ST6GALNAC3: variants seen among roughly 807,000 people sequenced by gnomAD.
ST6GALNAC3 encodes alpha-N-acetylgalactosaminide alpha-2,6-sialyltransferase 3.
In ST6GALNAC3, 25 loss-of-function variants were observed where a neutral mutation model predicts 32.7. That is an observed-to-expected ratio of 0.76 (90% CI 0.56 to 1.07). ST6GALNAC3 has a LOEUF of 1.07. Among genes scored for constraint, ST6GALNAC3 ranks in the 50% least tolerant of loss-of-function variants. ST6GALNAC3 has a pLI of 0.00. For synonymous variants in ST6GALNAC3, 129 were observed against 133.1 expected (o/e 0.97, Z 0.21); for missense variants, 355 against 382.4 (o/e 0.93, Z 0.60).
chr1:76,587,776 A>G (rs546091995), intron 3 of ST6GALNAC3, among the ~76,000 whole-genome samples: 6 of 152,182 alleles, frequency 3.9e-5, no homozygotes, highest in South Asian at 2.1e-4. Flanking sequence ...ATGACTTCCA[A>G]TGGATCAAGA....
intron 1 of ST6GALNAC3, among the ~76,000 whole-genome samples, chr1:76,229,528 G>T (rs2100632813): frequency 6.6e-6 from 1 of 152,298 alleles, no homozygotes; most frequent in South Asian, 2.1e-4. Flanking sequence ...CAGTGTGGCT[G>T]ACTCCCTGCC....
intron 3 of ST6GALNAC3, among the ~76,000 whole-genome samples, chr1:76,588,257 A>G (rs190221793): frequency 6.6e-5 from 10 of 151,782 alleles, no homozygotes; most frequent in African/African-American, 2.4e-4. Context: ...AAAGCATTCT[A>G]CCTAGTTTTT....
intron 3 of ST6GALNAC3, among the ~76,000 whole-genome samples, chr1:76,615,257 G>C (rs909160197): frequency 1.3e-5 from 2 of 152,008 alleles, no homozygotes; most frequent in Non-Finnish European, 2.9e-5. Context: ...TTCACAAAAT[G>C]CCATGCCTCA....
At chr1:76,438,662 A>C (rs1656337954) in intron 3 of ST6GALNAC3, among the ~76,000 whole-genome samples, 1 of 152,002 alleles carries the variant, frequency 6.6e-6, no homozygotes, top group African/African-American at 2.4e-5. Context: ...TATGCTCCTG[A>C]ATACGTTTTC....
At chr1:76,385,278 C>A (rs1367927285) in intron 2 of ST6GALNAC3, among the ~76,000 whole-genome samples, 1 of 152,044 alleles carries the variant, frequency 6.6e-6, no homozygotes, top group Non-Finnish European at 1.5e-5. Flanking sequence ...TACTTTTGAA[C>A]TTTTAAACTC....
intron 3 of ST6GALNAC3, among the ~76,000 whole-genome samples, chr1:76,497,533 G>T (rs1381058296): frequency 6.6e-6 from 1 of 152,172 alleles, no homozygotes; most frequent in Non-Finnish European, 1.5e-5. Flanking sequence ...AAGGAGCAAA[G>T]CTCAACCTAG....
intron 2 of ST6GALNAC3, among the ~76,000 whole-genome samples, chr1:76,335,447 A>ACG (rs969062449): frequency 1.8e-4 from 26 of 147,018 alleles, no homozygotes; most frequent in Admixed American, 1.2e-3. Flanking sequence ...ACACACACAC[A>ACG]CACACACACA....
intron 1 of ST6GALNAC3, among the ~76,000 whole-genome samples, chr1:76,124,635 C>T (rs1649124932): frequency 6.6e-6 from 1 of 152,194 alleles, no homozygotes; most frequent in Non-Finnish European, 1.5e-5. Flanking sequence ...CAACTTTTTT[C>T]CCTCTTGTGA....
chr1:76,531,402 A>C (rs1351906029), intron 3 of ST6GALNAC3, among the ~76,000 whole-genome samples: 1 of 152,216 alleles, frequency 6.6e-6, no homozygotes, highest in South Asian at 2.1e-4. Context: ...TACACTGGGA[A>C]TGTATCAACT....
rs1649294205 is a variant in ST6GALNAC3 at position 76,631,431 on chromosome 1, A to G, written c.*2625A>G. The G allele has an allele frequency of 6.6e-6, 1 of 151,742 alleles. No individual in the cohort carries two copies. The highest frequency in any genetic ancestry group is 1.5e-5 in the Non-Finnish European group (1 of 67,914). The allele number at this position is 151,742 out of a possible 1,614,324, so 9.4% of individuals were successfully genotyped here. On this transcript the variant is annotated 3_prime_UTR_variant, in exon 5 of 5. Transcript: ENST00000328299. ...TTTATTTCCTGTTTTTCTTTGTTCC[A>G]TCTTTCTAATTCTAGTGAAAATGCA...
At chr1:76,361,182 A>G (rs1159621730) in intron 2 of ST6GALNAC3, among the ~76,000 whole-genome samples, 1 of 152,110 alleles carries the variant, frequency 6.6e-6, no homozygotes, top group Admixed American at 6.6e-5. Flanking sequence ...AAGTTTTTTC[A>G]TCTTGCAGAA....
At chr1:76,505,527 TG>T (rs2101738682) in intron 3 of ST6GALNAC3, among the ~76,000 whole-genome samples, 1 of 152,326 alleles carries the variant, frequency 6.6e-6, no homozygotes, top group East Asian at 1.9e-4. Context: ...AGGGAATGAT[TG>T]TCATTCACTT....
At chr1:76,581,289 A>C (rs985871982) in intron 3 of ST6GALNAC3, among the ~76,000 whole-genome samples, 2 of 152,126 alleles carry the variant, frequency 1.3e-5, no homozygotes, top group Non-Finnish European at 2.9e-5. Context: ...TTTTCTAGAT[A>C]CATCACTGCA....
At chr1:76,101,456 A>T (rs1647223968) in intron 1 of ST6GALNAC3, among the ~76,000 whole-genome samples, 1 of 152,196 alleles carries the variant, frequency 6.6e-6, no homozygotes, top group East Asian at 1.9e-4. Flanking sequence ...TTATAAGTAC[A>T]GTTTCTGTAT....
chr1:76,589,930 G>C (rs1220080039), intron 3 of ST6GALNAC3, among the ~76,000 whole-genome samples: 1 of 144,842 alleles, frequency 6.9e-6, no homozygotes, highest in African/African-American at 2.5e-5. Flanking sequence ...TGGGAGGAGG[G>C]CTCCAGTTCT....
intron 3 of ST6GALNAC3, among the ~76,000 whole-genome samples, chr1:76,520,283 A>G (rs1368242813): frequency 6.6e-6 from 1 of 152,180 alleles, no homozygotes. Flanking sequence ...AGAGAGACAC[A>G]TAAAGGGCCC....
intron 1 of ST6GALNAC3, among the ~76,000 whole-genome samples, chr1:76,248,400 C>T (rs1657429605): frequency 6.6e-6 from 1 of 152,184 alleles, no homozygotes; most frequent in South Asian, 2.1e-4. Context: ...CAAGAGGTAA[C>T]TTCTCTCTGT....
chr1:76,392,678 G>A (rs1652657317), intron 2 of ST6GALNAC3, among the ~76,000 whole-genome samples: 1 of 152,190 alleles, frequency 6.6e-6, no homozygotes, highest in Non-Finnish European at 1.5e-5. Context: ...CAGCCTGAGA[G>A]ATGGAATTCA....
At chr1:76,113,245 A>G (rs1648206206) in intron 1 of ST6GALNAC3, among the ~76,000 whole-genome samples, 1 of 151,160 alleles carries the variant, frequency 6.6e-6, no homozygotes, top group Non-Finnish European at 1.5e-5. Flanking sequence ...AGGCTGAGGC[A>G]GGAGAATCAG....
Sources: gnomAD v4.1 joint callset for allele counts (sites outside exome capture counted in the v4.1 genomes callset) on GRCh38, gnomAD v4.1.1 for gene constraint, MANE v1.5 for transcripts, NCBI Gene and HGNC (gene_info 2026-07-23, HGNC 2026-07-21) for gene names.